Variants in SSUH2 observed in about 807,000 individuals in gnomAD.
The protein encoded by SSUH2 is ssu-2 homolog.
In SSUH2, 47 loss-of-function variants were observed where a neutral mutation model predicts 55.3. That is an observed-to-expected ratio of 0.85 (90% CI 0.67 to 1.08). The LOEUF is 1.08. SSUH2 is among the 50% of genes least tolerant of loss of function. SSUH2 has a pLI of 0.00. For missense variants in SSUH2, 535 were observed against 490.7 expected (o/e 1.09, Z -0.85); for synonymous variants, 212 against 191.5 (o/e 1.11, Z -0.89).
chr3:8,619,761 G>T lies in SSUH2; in HGVS notation c.*107C>A. The T allele has an allele frequency of 7.4e-7, 1 of 1,353,884 alleles. No individual in the cohort carries two copies. The highest frequency in any genetic ancestry group is 1.4e-5 in the South Asian group (1 of 71,366). The allele number at this position is 1,353,884 out of a possible 1,614,324, so 83.9% of individuals were successfully genotyped here. ...GGTTTTTCTGGAAGGACATGCCAGG[G>T]TTTGTATGTGATTGTCCAATGCAGC... On this transcript the variant is annotated 3_prime_UTR_variant, in exon 12 of 12. Transcript: ENST00000544814.
chr3:8,650,561 G>C (rs999554792), intron 7 of SSUH2, among the ~76,000 whole-genome samples: 1 of 152,148 alleles, frequency 6.6e-6, no homozygotes, highest in Non-Finnish European at 1.5e-5. Context: ...AAAAAAGAAG[G>C]CCACTAGTAA....
chr3:8,659,683 T>A (rs1488318545), intron 6 of SSUH2: 2 of 438,510 alleles, frequency 4.6e-6, no homozygotes, highest in Non-Finnish European at 9.2e-6. Flanking sequence ...GGGCATGGGA[T>A]CCAGTATTCA....
rs3885280 is a variant in SSUH2 at position 8,678,667 on chromosome 3, G to C, written c.-901+1038C>G. On this transcript the variant is annotated intron_variant, in intron 2 of 18. Coordinates refer to the SSUH2 transcript ENST00000317371. ...CGCAGTGGGGGGAGGCACCCCCCGC[G>C]AGGCGGGGATTGAGAGCCAGCCACT... 3.4e-4 allele frequency among the ~76,000 whole-genome samples: 13 copies of C among 38,526 alleles called. 1 individual carries two copies. Among genetic ancestry groups the C allele is most frequent in the East Asian group, 2.5e-3 (1 of 400 alleles). The allele number at this position is 38,526 out of a possible 152,430, so 25.3% of individuals were successfully genotyped here.
At position 8,678,571 on chromosome 3, in the gene SSUH2, G is replaced by A. The variant is rs116343290; in HGVS notation, c.-901+1134C>T. Among the ~76,000 whole-genome samples, 43 of 113,962 alleles carry A rather than the reference G, an allele frequency of 3.8e-4. 7 individuals carry two copies. The highest frequency in any genetic ancestry group is 1.2e-3 in the African/African-American group (39 of 32,582). The allele number at this position is 113,962 out of a possible 152,430, so 74.8% of individuals were successfully genotyped here. On this transcript the variant is annotated intron_variant, in intron 2 of 18. Transcript: ENST00000317371. ...GGCTCTTAGGACCCCAATCACAGAG[G>A]GGGGAACACCCCCCGCGAGGCAGGG...
intron 7 of SSUH2, 199 bp downstream of exon 7, chr3:8,629,459 CAAAGTG>C: frequency 1.7e-6 from 1 of 579,794 alleles, no homozygotes; most frequent in Non-Finnish European, 3.1e-6. Context: ...ATCGAACTGT[CAAAGTG>C]AAAGTGTCAT....
chr3:8,681,680 T>TC (rs1303380157), intron 1 of SSUH2, among the ~76,000 whole-genome samples: 19 of 145,138 alleles, frequency 1.3e-4, no homozygotes, highest in Middle Eastern at 3.7e-3. Flanking sequence ...CAGCCCCTCT[T>TC]CCCCCCGGCT....
chr3:8,647,272 T>C (rs1277427369), upstream of SSUH2, among the ~76,000 whole-genome samples: 8 of 152,258 alleles, frequency 5.3e-5, no homozygotes, highest in Admixed American at 3.3e-4. Context: ...GTCCTATCCA[T>C]GCGCAGGCAT....
chr3:8,656,005 C>T, intron 7 of SSUH2, among the ~76,000 whole-genome samples: 1 of 152,096 alleles, frequency 6.6e-6, no homozygotes, highest in East Asian at 1.9e-4. Flanking sequence ...GCCTGTGCTG[C>T]TATGAAAACA....
intron 1 of SSUH2, among the ~76,000 whole-genome samples, chr3:8,643,746 C>T (rs1489788236): frequency 6.6e-6 from 1 of 152,196 alleles, no homozygotes; most frequent in Non-Finnish European, 1.5e-5. Context: ...ATGGATCTCT[C>T]TGGATTCAAA....
At chr3:8,667,113 G>GGGGTAAAC (rs1322069726) in intron 5 of SSUH2, among the ~76,000 whole-genome samples, 1 of 152,234 alleles carries the variant, frequency 6.6e-6, no homozygotes, top group Non-Finnish European at 1.5e-5. Context: ...AAGGGGTAAA[G>GGGGTAAAC]GGGTGGCTAC....
At chr3:8,634,312 G>T in intron 3 of SSUH2, 2 of 1,141,820 alleles carry the variant, frequency 1.8e-6, no homozygotes, top group Non-Finnish European at 2.3e-6. Context: ...TGGGACGACA[G>T]ACAGGGACCC....
At chr3:8,620,433 ACT>A (rs1354138171) in intron 11 of SSUH2, among the ~76,000 whole-genome samples, 1 of 151,858 alleles carries the variant, frequency 6.6e-6, no homozygotes, top group Non-Finnish European at 1.5e-5. Flanking sequence ...GTCCATGAAA[ACT>A]CTTTCCTGTA....
intron 5 of SSUH2, among the ~76,000 whole-genome samples, chr3:8,666,490 A>G (rs936939401): frequency 1.3e-5 from 2 of 152,146 alleles, no homozygotes; most frequent in African/African-American, 4.8e-5. Context: ...GGGAAGAAAA[A>G]CAAGGAAGGG....
intron 7 of SSUH2, among the ~76,000 whole-genome samples, chr3:8,658,317 C>A (rs952745056): frequency 6.6e-6 from 1 of 152,208 alleles, no homozygotes; most frequent in Admixed American, 6.5e-5. Flanking sequence ...TTGCTCCTTG[C>A]GTGACCACTT....
At chr3:8,634,031 G>A (rs897607026) in intron 3 of SSUH2, 3 of 1,341,074 alleles carry the variant, frequency 2.2e-6, no homozygotes, top group African/African-American at 2.9e-5. Flanking sequence ...GTTGAAATGT[G>A]GAGCTTAGGA....
intron 5 of SSUH2, among the ~76,000 whole-genome samples, chr3:8,664,655 C>T (rs1703817480): frequency 1.3e-5 from 2 of 152,170 alleles, no homozygotes; most frequent in South Asian, 4.1e-4. Flanking sequence ...ACCTGGAGGA[C>T]AGCAGAGCTG....
At chr3:8,673,200 A>G (rs901924148) in intron 3 of SSUH2, among the ~76,000 whole-genome samples, 1 of 152,242 alleles carries the variant, frequency 6.6e-6, no homozygotes, top group East Asian at 1.9e-4. Context: ...AATATTAATC[A>G]TTTATTGTTA....
At position 8,630,812 on chromosome 3, in the gene SSUH2, A is replaced by C. The variant is rs985519196; in HGVS notation, c.518T>G (p.Leu173Arg). The C allele has an allele frequency of 5.5e-6, 8 of 1,467,842 alleles. No homozygotes were observed. Among genetic ancestry groups the C allele is most frequent in the Admixed American group, 2.5e-5 (1 of 39,820 alleles). 90.9% of individuals were successfully genotyped at this position (1,467,842 alleles called of 1,614,324 possible). Residue 173 changes from leucine (L) to arginine (R), a missense_variant, in exon 6 of 12, where the codon CTG (leucine) becomes CGG (arginine). By Grantham distance (102) the Leu-to-Arg change is moderately radical. Coordinates refer to ENST00000544814, the MANE Select transcript of SSUH2 (RefSeq NM_001256748.3). ...TCGCGTTAATCGTATTACCTTGACC[A>C]GTGACGAGTGAGGGACCTGGAACTT... ...TRKFQVPHSS[L>R]VKECHKCHGR...
chr3:8,658,268 G>A (rs1009878347), intron 7 of SSUH2, among the ~76,000 whole-genome samples: 12 of 152,250 alleles, frequency 7.9e-5, no homozygotes, highest in Admixed American at 4.6e-4. Flanking sequence ...TAGAATTGCT[G>A]TTATTCATAT....
Sources: gnomAD v4.1 joint callset for allele counts (sites outside exome capture counted in the v4.1 genomes callset) on GRCh38, gnomAD v4.1.1 for gene constraint, MANE v1.5 for transcripts, NCBI Gene and HGNC (gene_info 2026-07-23, HGNC 2026-07-21) for gene names.